Variants in CELF2 observed in about 807,000 individuals in gnomAD.
CELF2 encodes the protein CUGBP Elav-like family member 2.
Under a neutral mutation model 62.6 loss-of-function variants are expected in CELF2, and 8 were observed. That is an observed-to-expected ratio of 0.13 (90% CI 0.07 to 0.23). The LOEUF (loss-of-function observed/expected upper bound fraction) is 0.23. Ranked by LOEUF, CELF2 falls within the 10% of genes least tolerant of loss-of-function variation. The probability of loss-of-function intolerance (pLI) is 1.00; values close to 1 mark genes in which losing one functional copy is unlikely to be tolerated. For missense variants in CELF2, 333 were observed against 671.0 expected, an observed-to-expected ratio of 0.50 and a Z score of 5.56; for synonymous variants, 258 against 250.0, an observed-to-expected ratio of 1.03 and a Z score of -0.30.
upstream of CELF2, among the ~76,000 whole-genome samples, chr10:11,004,422 C>CGTGAGTGTGTGT (rs2054861602): frequency 1.3e-5 from 2 of 148,492 alleles, no homozygotes; most frequent in Non-Finnish European, 3.0e-5. The surrounding 1 kb of genome is among the most constrained non-coding windows in gnomAD (Gnocchi z 5.0). Context: ...TGTGCGCGCG[C>CGTGAGTGTGTGT]GTGTGTGTGT....
chr10:10,590,721 G>T, the CELF2 span, among the ~76,000 whole-genome samples: 1 of 152,146 alleles, frequency 6.6e-6, no homozygotes, highest in Non-Finnish European at 1.5e-5. Flanking sequence ...TACCAGCAAA[G>T]CTTGTGGAAA....
At chr10:10,898,031 T>C (rs989603134) in intron 1 of CELF2, among the ~76,000 whole-genome samples, 4 of 152,178 alleles carry the variant, frequency 2.6e-5, no homozygotes, top group Non-Finnish European at 1.5e-5. Flanking sequence ...CAGAGAATAT[T>C]ATCTGGCCCT....
chr10:10,773,063 T>C, the CELF2 span, among the ~76,000 whole-genome samples: 1 of 152,230 alleles, frequency 6.6e-6, no homozygotes, highest in East Asian at 1.9e-4. Flanking sequence ...CTGCCTGACA[T>C]GCTGATTTAG....
chr10:10,964,859 G>A (rs934597469), intron 2 of CELF2, among the ~76,000 whole-genome samples: 16 of 151,920 alleles, frequency 1.1e-4, no homozygotes, highest in African/African-American at 3.6e-4. Context: ...CACATCCCAC[G>A]ATCTTACGGT....
At chr10:10,799,985 A>G (rs1214310942) in intron 1 of CELF2, among the ~76,000 whole-genome samples, 1 of 152,230 alleles carries the variant, frequency 6.6e-6, no homozygotes, top group Non-Finnish European at 1.5e-5. Context: ...AGGAAATACA[A>G]ATGAGGAGAA....
the CELF2 span, among the ~76,000 whole-genome samples, chr10:10,660,592 A>G: frequency 1.3e-5 from 2 of 152,218 alleles, no homozygotes; most frequent in African/African-American, 4.8e-5. Flanking sequence ...TGTAATGGCT[A>G]CAATCAATTC....
chr10:10,852,390 A>C (rs1440469732), intron 1 of CELF2, among the ~76,000 whole-genome samples: 1 of 152,246 alleles, frequency 6.6e-6, no homozygotes, highest in Non-Finnish European at 1.5e-5. Context: ...TGTTGAAATG[A>C]CAAAATTATT....
At chr10:10,722,235 G>T in the CELF2 span, among the ~76,000 whole-genome samples, 1 of 152,130 alleles carries the variant, frequency 6.6e-6, no homozygotes, top group Admixed American at 6.5e-5. Context: ...CCAGAAGTTG[G>T]ATGCTGTAGT....
rs766566545 is a variant in CELF2 at position 11,255,431 on chromosome 10, C to T, written c.404-2307C>T. Among the ~76,000 whole-genome samples the T allele has an allele frequency of 2.6e-5, 4 of 152,194 alleles. No individual in the cohort carries two copies. Among genetic ancestry groups the T allele is most frequent in the Non-Finnish European group, 5.9e-5 (4 of 68,038 alleles). ...ATCCACCCAAGCCAGGTCCCTACTGCCCCGCACTGTGCACCTTGCCTGGTT... is the reference window on the plus strand; with the variant it reads ...ATCCACCCAAGCCAGGTCCCTACTGTCCCGCACTGTGCACCTTGCCTGGTT... On this transcript the variant is annotated intron_variant, in intron 4 of 12. Coordinates refer to ENST00000633077, the MANE Select transcript of CELF2 (RefSeq NM_001326342.2). This position sits in a 1 kb window ranked among gnomAD's most constrained non-coding sequence, Gnocchi z 5.5.
intron 9 of CELF2, among the ~76,000 whole-genome samples, chr10:11,313,635 A>G (rs2094711385): frequency 6.6e-6 from 1 of 152,232 alleles, no homozygotes; most frequent in Non-Finnish European, 1.5e-5. Flanking sequence ...CACTTAAATG[A>G]CAATTAATTT....
At chr10:11,132,541 A>T (rs1248124672) in intron 1 of CELF2, among the ~76,000 whole-genome samples, 1 of 152,192 alleles carries the variant, frequency 6.6e-6, no homozygotes, top group Non-Finnish European at 1.5e-5. Flanking sequence ...GATCGTGAAT[A>T]CTCAAAGGAT....
At chr10:11,171,474 A>C (rs2068838714) in intron 2 of CELF2, 1 of 152,698 alleles carries the variant, frequency 6.5e-6, no homozygotes, top group South Asian at 2.1e-4. Context: ...TCTCTAGTTC[A>C]GTACAATGGA....
Position 11,314,016 on chromosome 10 carries a change from A to T in CELF2, c.977-123A>T. 1 of 1,010,642 alleles carries T rather than the reference A, an allele frequency of 9.9e-7. No homozygotes were observed. 62.6% of individuals were successfully genotyped at this position (1,010,642 alleles called of 1,614,324 possible). A position where few individuals can be genotyped will look rare whatever the true frequency, so the allele number is the denominator to read the frequency against. On this transcript the variant is annotated intron_variant, in intron 9 of 12. Transcript: ENST00000633077. This position sits in a 1 kb window ranked among gnomAD's most constrained non-coding sequence, Gnocchi z 5.3. ...ACAAGTACAATCCCACATGTCCTTCACCCAAAGCCACAAGCACAGCTCCTC... is the reference window on the plus strand; with the variant it reads ...ACAAGTACAATCCCACATGTCCTTCTCCCAAAGCCACAAGCACAGCTCCTC...
At position 11,217,503 on chromosome 10, in the gene CELF2, C is replaced by A; in HGVS notation, c.350C>A (p.Pro117His). Residue 117 changes from proline to histidine, a missense_variant, in exon 3 of 13, where the codon CCT becomes CAT. Physicochemically the swap from Pro to His is moderately conservative, Grantham distance 77. This residue lies in a region of CELF2 where 253 missense variants were observed against 503.0 expected (regional missense o/e 0.50). Transcript: ENST00000633077. This position sits in a 1 kb window ranked among gnomAD's most constrained non-coding sequence, Gnocchi z 5.6. ...GCACTGCACAATATTAAAACTTTAC[C>A]TGGGGTGAGTCGGTTTACTTTTGTA... ...QNALHNIKTL[P>H]GMHHPIQMKP... 1 of 1,605,112 alleles carries A rather than the reference C, an allele frequency of 6.2e-7. No individual in the cohort carries two copies. The highest frequency in any genetic ancestry group is 8.5e-7 in the Non-Finnish European group (1 of 1,173,086).
At position 11,093,730 on chromosome 10, in the gene CELF2, C is replaced by T. The variant is rs116747069; in HGVS notation, c.75-71756C>T. On this transcript the variant is annotated intron_variant, in intron 1 of 12. Coordinates refer to ENST00000633077, the MANE Select transcript of CELF2 (RefSeq NM_001326342.2). Reference sequence around the variant, plus strand: ...CAGGCCCTTTTTTCAACTGAATCAGCCAGTCAATTCCGTTAACATGGTCCA... The same window carrying T: ...CAGGCCCTTTTTTCAACTGAATCAGTCAGTCAATTCCGTTAACATGGTCCA... Among the ~76,000 whole-genome samples, 628 of 152,216 alleles carry T rather than the reference C, an allele frequency of 4.1e-3. 5 individuals carry two copies. Among genetic ancestry groups the T allele is most frequent in the African/African-American group, 0.014 (601 of 41,542 alleles).
intron 1 of CELF2, among the ~76,000 whole-genome samples, chr10:11,097,719 TC>T (rs1182985392): frequency 1.3e-5 from 2 of 152,218 alleles, no homozygotes; most frequent in African/African-American, 4.8e-5. Flanking sequence ...GGTTTTAGGA[TC>T]CTCCTGGGTA....
the CELF2 span, among the ~76,000 whole-genome samples, chr10:10,541,935 A>T: frequency 6.6e-6 from 1 of 152,160 alleles, no homozygotes; most frequent in African/African-American, 2.4e-5. Context: ...AACACCTCTG[A>T]TAATAGTTCC....
intron 1 of CELF2, among the ~76,000 whole-genome samples, chr10:10,856,116 C>T (rs2059690341): frequency 6.6e-6 from 1 of 152,192 alleles, no homozygotes; most frequent in Non-Finnish European, 1.5e-5. Context: ...GCCAGAGCTT[C>T]TACTCCCTTG....
intron 2 of CELF2, among the ~76,000 whole-genome samples, chr10:10,954,820 A>C (rs1359069367): frequency 6.6e-6 from 1 of 152,252 alleles, no homozygotes; most frequent in African/African-American, 2.4e-5. Context: ...ATTCCATAAG[A>C]CATATGATTG....
Sources: allele counts gnomAD v4.1 joint callset (sites outside exome capture counted in the v4.1 genomes callset), GRCh38; gene constraint gnomAD v4.1.1; regional missense constraint gnomAD v4.1.1; non-coding constraint Gnocchi (gnomAD v3.1); transcripts MANE v1.5; gene names NCBI Gene and HGNC (gene_info 2026-07-23, HGNC 2026-07-21).